PDE4B: variants seen among roughly 807,000 people sequenced by gnomAD.
PDE4B encodes phosphodiesterase 4B.
Under a neutral mutation model 82.2 loss-of-function variants are expected in PDE4B, and 20 were observed. The ratio of observed to expected loss-of-function variants is 0.24; its 90% CI spans 0.17 to 0.35. The LOEUF (loss-of-function observed/expected upper bound fraction) is 0.35. Among genes scored for constraint, PDE4B ranks in the 10% least tolerant of loss-of-function variants. The pLI is 1.00. For missense variants in PDE4B, 655 were observed against 907.2 expected, an observed-to-expected ratio of 0.72 and a Z score of 3.57; for synonymous variants, 320 against 318.9, an observed-to-expected ratio of 1.00 and a Z score of -0.04.
chr1:66,319,272 G>A (rs969689465), intron 7 of PDE4B, among the ~76,000 whole-genome samples: 2 of 152,102 alleles, frequency 1.3e-5, no homozygotes, highest in Non-Finnish European at 2.9e-5. Context: ...TCCTCACCCA[G>A]CACCTTCACT....
At chr1:66,256,102 G>A (rs761738146) in intron 4 of PDE4B, among the ~76,000 whole-genome samples, 6 of 152,224 alleles carry the variant, frequency 3.9e-5, no homozygotes, top group African/African-American at 7.2e-5. Flanking sequence ...GCTTGAGCCT[G>A]GAGGCAGAAG....
chr1:66,364,864 T>G (rs1663114209), intron 12 of PDE4B, among the ~76,000 whole-genome samples: 1 of 152,108 alleles, frequency 6.6e-6, no homozygotes, highest in African/African-American at 2.4e-5. Context: ...AATGAGTGCT[T>G]GGGTAATGTG....
intron 6 of PDE4B, among the ~76,000 whole-genome samples, chr1:66,260,865 C>G (rs1432678224): frequency 6.6e-6 from 1 of 152,172 alleles, no homozygotes; most frequent in Non-Finnish European, 1.5e-5. Flanking sequence ...TGGCTGAGGA[C>G]TACCCTTCAA....
intron 3 of PDE4B, among the ~76,000 whole-genome samples, chr1:66,220,632 A>T (rs1436416792): frequency 6.6e-6 from 1 of 152,132 alleles, no homozygotes; most frequent in Admixed American, 6.6e-5. Flanking sequence ...TCTGTGATTT[A>T]TCCTTCCTTG....
chr1:66,079,190 C>CTG lies in PDE4B; in HGVS notation c.281+160356_281+160357insGT, dbSNP rs1252660451. On this transcript the variant is annotated intron_variant, in intron 3 of 16. Transcript: ENST00000341517. ...TTTCTCTCTCTCTCTCTCTCTCTCTCTCTCTCTCTCTGTCTCTGTCTCTTG... is the reference window on the plus strand; with the variant it reads ...TTTCTCTCTCTCTCTCTCTCTCTCTCTGTCTCTCTCTCTGTCTCTGTCTCTTG... 1.5e-4 allele frequency among the ~76,000 whole-genome samples: 23 copies of CTG among 150,558 alleles called. 1 individual carries two copies. The South Asian group carries it at 4.8e-3, about 31-fold the overall frequency.
intron 3 of PDE4B, among the ~76,000 whole-genome samples, chr1:65,942,766 CTGA>C (rs542276551): frequency 3.1e-3 from 467 of 152,136 alleles, no homozygotes; most frequent in Non-Finnish European, 5.4e-3. Flanking sequence ...TTGCATTTCT[CTGA>C]TGATTAGTGA....
At chr1:66,363,003 C>T (rs1662918982) in intron 10 of PDE4B, among the ~76,000 whole-genome samples, 165 bp from the exon 11 acceptor site, 1 of 151,984 alleles carries the variant, frequency 6.6e-6, no homozygotes, top group African/African-American at 2.4e-5. Context: ...AAGAGGACAC[C>T]CGACCTCCTA....
At chr1:66,362,830 C>T (rs1368517600) in intron 10 of PDE4B, among the ~76,000 whole-genome samples, 1 of 152,164 alleles carries the variant, frequency 6.6e-6, no homozygotes, top group Admixed American at 6.5e-5. Flanking sequence ...AGGGGAGAGA[C>T]AGGGACATTG....
chr1:66,329,865 C>T (rs558747148), intron 7 of PDE4B, among the ~76,000 whole-genome samples: 1 of 152,302 alleles, frequency 6.6e-6, no homozygotes, highest in East Asian at 1.9e-4. Context: ...TACAGATGGA[C>T]CATTCAGCCT....
chr1:66,323,635 A>G (rs1339105157), intron 7 of PDE4B, among the ~76,000 whole-genome samples: 3 of 152,270 alleles, frequency 2.0e-5, no homozygotes, highest in East Asian at 1.9e-4. Context: ...TGTACCATGC[A>G]CTGTCCTAAG....
At chr1:66,364,549 C>T (rs759415815) in intron 12 of PDE4B, among the ~76,000 whole-genome samples, 1 of 152,138 alleles carries the variant, frequency 6.6e-6, no homozygotes, top group Admixed American at 6.5e-5. Context: ...TCCAGCCTCA[C>T]CTTTACAGAT....
At chr1:66,000,991 T>G (rs1651834508) in intron 3 of PDE4B, among the ~76,000 whole-genome samples, 1 of 152,132 alleles carries the variant, frequency 6.6e-6, no homozygotes, top group Admixed American at 6.6e-5. Flanking sequence ...TTTGGAGGAT[T>G]CTCACACAAA....
chr1:66,034,820 G>A (rs1653980884), intron 3 of PDE4B, among the ~76,000 whole-genome samples: 1 of 151,884 alleles, frequency 6.6e-6, no homozygotes. Flanking sequence ...TTCCTCTCTG[G>A]TCATAAAGTT....
intron 1 of PDE4B, among the ~76,000 whole-genome samples, chr1:65,826,609 A>G (rs1447094765): frequency 1.3e-5 from 2 of 152,176 alleles, no homozygotes; most frequent in Non-Finnish European, 2.9e-5. Flanking sequence ...TAATCTTCAT[A>G]TGGACAAATG....
chr1:66,075,275 G>T (rs535565275), intron 3 of PDE4B, among the ~76,000 whole-genome samples: 1 of 152,134 alleles, frequency 6.6e-6, no homozygotes, highest in East Asian at 2.0e-4. Context: ...GGGTTCACCT[G>T]CCCTACATCA....
chr1:66,299,161 A>G (rs1657716284), intron 7 of PDE4B, among the ~76,000 whole-genome samples: 1 of 152,148 alleles, frequency 6.6e-6, no homozygotes, highest in South Asian at 2.1e-4. Context: ...GCAATAGAAA[A>G]CTACAACTTA....
intron 1 of PDE4B, among the ~76,000 whole-genome samples, chr1:65,852,236 A>T (rs903068324): frequency 6.6e-6 from 1 of 151,780 alleles, no homozygotes; most frequent in Non-Finnish European, 1.5e-5. Context: ...ATGAAATGAG[A>T]TTTTTTTCTC....
At chr1:65,963,001 A>G (rs1382251402) in intron 3 of PDE4B, among the ~76,000 whole-genome samples, 2 of 152,174 alleles carry the variant, frequency 1.3e-5, no homozygotes, top group East Asian at 1.9e-4. Context: ...TTTGATTGGT[A>G]GTGTTTGTCG....
At chr1:65,886,954 T>C (rs1646784737) in intron 1 of PDE4B, among the ~76,000 whole-genome samples, 1 of 152,190 alleles carries the variant, frequency 6.6e-6, no homozygotes, top group African/African-American at 2.4e-5. Context: ...CATACTGTTT[T>C]TCATAGTGTT....
Sources: gnomAD v4.1 joint callset for allele counts (sites outside exome capture counted in the v4.1 genomes callset) on GRCh38, gnomAD v4.1.1 for gene constraint, MANE v1.5 for transcripts, NCBI Gene and HGNC (gene_info 2026-07-23, HGNC 2026-07-21) for gene names.